IFT56: variants seen among roughly 807,000 people sequenced by gnomAD.
IFT56 encodes the protein intraflagellar transport protein 56.
chr7:139,157,121 T>C, the IFT56 span, among the ~76,000 whole-genome samples: 1 of 150,334 alleles, frequency 6.7e-6, no homozygotes, highest in Non-Finnish European at 1.5e-5. Context: ...TTTCTCCATT[T>C]ATTTAGATCT....
At chr7:139,173,836 G>T in the IFT56 span, 1 of 717,172 alleles carries the variant, frequency 1.4e-6, no homozygotes, top group Non-Finnish European at 2.6e-6. Context: ...TGCTGCTTCA[G>T]AACTTCAGGT....
At chr7:139,151,740 T>C in the IFT56 span, among the ~76,000 whole-genome samples, 1 of 152,228 alleles carries the variant, frequency 6.6e-6, no homozygotes, top group South Asian at 2.1e-4. Context: ...TGTTTCTTTA[T>C]GTTTAGTGCT....
the IFT56 span, among the ~76,000 whole-genome samples, chr7:139,188,241 C>T: frequency 6.6e-6 from 1 of 151,872 alleles, no homozygotes; most frequent in South Asian, 2.1e-4. Context: ...GCTGGGATTA[C>T]AGGCACGTGC....
At chr7:139,156,825 T>C in the IFT56 span, among the ~76,000 whole-genome samples, 1 of 152,232 alleles carries the variant, frequency 6.6e-6, no homozygotes, top group South Asian at 2.1e-4. Flanking sequence ...GATCCATTTG[T>C]GTATCCTTGC....
the IFT56 span, among the ~76,000 whole-genome samples, chr7:139,154,817 C>G: frequency 1.3e-5 from 2 of 152,080 alleles, no homozygotes; most frequent in Non-Finnish European, 2.9e-5. Context: ...TTACTCTGAT[C>G]TGTTGCAATT....
the IFT56 span, among the ~76,000 whole-genome samples, chr7:139,175,715 G>C: frequency 1.3e-5 from 2 of 152,074 alleles, no homozygotes; most frequent in Non-Finnish European, 2.9e-5. Flanking sequence ...TGGAGATAGG[G>C]AGTAGAATGA....
the IFT56 span, among the ~76,000 whole-genome samples, chr7:139,159,932 A>T: frequency 6.6e-6 from 1 of 152,150 alleles, no homozygotes; most frequent in African/African-American, 2.4e-5. Context: ...GAATACTTAA[A>T]ATTTTCTGTT....
At chr7:139,146,989 A>G in the IFT56 span, 33 of 1,526,820 alleles carry the variant, frequency 2.2e-5, no homozygotes, top group Non-Finnish European at 2.7e-5. Flanking sequence ...TGCAGGAGAA[A>G]TGAAGTAGAA....
the IFT56 span, among the ~76,000 whole-genome samples, chr7:139,182,509 C>T: frequency 6.6e-6 from 1 of 151,962 alleles, no homozygotes; most frequent in Non-Finnish European, 1.5e-5. Flanking sequence ...TTTGAGGCTC[C>T]CAGCAGAGAT....
the IFT56 span, chr7:139,148,129 T>C: frequency 1.1e-5 from 15 of 1,343,914 alleles, no homozygotes; most frequent in South Asian, 2.1e-4. Context: ...CTCTTTGCCT[T>C]GTCCATTTGA....
At chr7:139,143,766 T>C in the IFT56 span, among the ~76,000 whole-genome samples, 1 of 152,112 alleles carries the variant, frequency 6.6e-6, no homozygotes, top group Admixed American at 6.5e-5. Context: ...TTCCTTTTTC[T>C]CTCCTTTCTT....
the IFT56 span, chr7:139,173,084 G>T: frequency 2.7e-6 from 2 of 730,502 alleles, no homozygotes; most frequent in South Asian, 1.5e-5. Context: ...TGGGTGGCTG[G>T]TTCACTAATG....
At chr7:139,158,067 A>T in the IFT56 span, among the ~76,000 whole-genome samples, 12 of 152,204 alleles carry the variant, frequency 7.9e-5, no homozygotes, top group Non-Finnish European at 1.8e-4. Flanking sequence ...TAATCCCAGC[A>T]CTTTGGGAAG....
the IFT56 span, among the ~76,000 whole-genome samples, chr7:139,166,555 T>G: frequency 6.9e-6 from 1 of 145,746 alleles, no homozygotes; most frequent in East Asian, 2.1e-4. Flanking sequence ...AAAGAAATCA[T>G]TGCTTTTCTT....
the IFT56 span, chr7:139,134,883 A>C: frequency 7.4e-7 from 1 of 1,357,742 alleles, no homozygotes; most frequent in African/African-American, 1.5e-5. Context: ...CTCTTGAAAT[A>C]GGTGGGTGCA....
chr7:139,142,148 G>T, the IFT56 span: 2 of 1,135,712 alleles, frequency 1.8e-6, no homozygotes, highest in South Asian at 1.3e-5. Flanking sequence ...GACATATTAG[G>T]ATCAGATGAG....
the IFT56 span, chr7:139,172,865 T>C: frequency 1.5e-6 from 1 of 687,390 alleles, no homozygotes; most frequent in Middle Eastern, 2.5e-4. Flanking sequence ...TTGCTAGGAG[T>C]CAGAGGAATA....
chr7:139,189,361 G>T, the IFT56 span: 9 of 1,613,118 alleles, frequency 5.6e-6, no homozygotes, highest in East Asian at 2.0e-4. Flanking sequence ...GAGAAGCACA[G>T]GTAACACCCA....
the IFT56 span, chr7:139,173,220 G>C: frequency 9.0e-6 from 4 of 442,616 alleles, no homozygotes; most frequent in Non-Finnish European, 1.6e-5. Flanking sequence ...CTTGTACAAA[G>C]TCACCTTTTT....
Sources: allele counts gnomAD v4.1 joint callset (sites outside exome capture counted in the v4.1 genomes callset), GRCh38; gene constraint gnomAD v4.1.1; transcripts MANE v1.5; gene names NCBI Gene and HGNC (gene_info 2026-07-23, HGNC 2026-07-21).